The following NUDT6 variants were observed in gnomAD, a reference collection of about 807,000 sequenced individuals.
NUDT6 encodes the protein nudix hydrolase 6, also known as FAD diphosphatase NUDT6.
Under a neutral mutation model 36.8 loss-of-function variants are expected in NUDT6, and 24 were observed. The observed-to-expected ratio is 0.65, with a 90% CI of 0.47 to 0.92. The LOEUF is 0.92. NUDT6 is among the 40% of genes least tolerant of loss of function. The probability of loss-of-function intolerance (pLI) is 0.00; values close to 1 mark genes in which losing one functional copy is unlikely to be tolerated. For missense variants in NUDT6, 388 were observed against 392.8 expected, an observed-to-expected ratio of 0.99 and a Z score of 0.10; for synonymous variants, 163 against 157.0, an observed-to-expected ratio of 1.04 and a Z score of -0.29.
In NUDT6 at chr4:122,915,481, A is replaced by AC. The variant is rs1560773823; in HGVS notation, c.442+2019_442+2020insG. On this transcript the variant is annotated intron_variant, in intron 2 of 4. Transcript: ENST00000304430. Reference sequence around the variant, plus strand: ...TGAGACCCTGCCTCAAAAAAAAAAAAAAAAAAAAAAAAAAAAACAACTCTG... The same window carrying AC: ...TGAGACCCTGCCTCAAAAAAAAAAAACAAAAAAAAAAAAAAAAACAACTCTG... 4.2e-4 allele frequency among the ~76,000 whole-genome samples: 42 copies of AC among 101,048 alleles called. 1 individual carries two copies. Among genetic ancestry groups the AC allele is most frequent in the Admixed American group, 2.0e-3 (18 of 9,206 alleles). The allele number at this position is 101,048 out of a possible 152,430, so 66.3% of individuals were successfully genotyped here.
chr4:122,917,370 G>A, intron 2 of NUDT6, 131 bp downstream of exon 2: 1 of 810,980 alleles, frequency 1.2e-6, no homozygotes, highest in Non-Finnish European at 2.0e-6. Flanking sequence ...TGCAGATAGG[G>A]TGGAACCACC....
intron 1 of NUDT6, chr4:122,917,966 C>T: frequency 2.3e-6 from 1 of 434,780 alleles, no homozygotes; most frequent in Non-Finnish European, 4.2e-6. Context: ...AAAGACAATG[C>T]TTGGCACGTA....
intron 1 of NUDT6, chr4:122,921,474 T>C (rs143572495): frequency 2.0e-5 from 3 of 151,904 alleles, no homozygotes; most frequent in African/African-American, 7.3e-5. Flanking sequence ...TGCGCGCCTG[T>C]AGTCCTAGCT....
At chr4:122,915,048 A>C (rs1727801412) in intron 2 of NUDT6, among the ~76,000 whole-genome samples, 1 of 152,192 alleles carries the variant, frequency 6.6e-6, no homozygotes, top group African/African-American at 2.4e-5. Flanking sequence ...AGAAGGAGAC[A>C]CTTGAGCAGA....
At chr4:122,902,905 C>T (rs1024153207) in intron 3 of NUDT6, among the ~76,000 whole-genome samples, 17 of 152,014 alleles carry the variant, frequency 1.1e-4, no homozygotes, top group African/African-American at 4.1e-4. Context: ...ACATTAATGC[C>T]TGGGGAGAGT....
chr4:122,905,043 C>T (rs1301197948), intron 3 of NUDT6, among the ~76,000 whole-genome samples: 1 of 152,146 alleles, frequency 6.6e-6, no homozygotes. Context: ...TGGAAGGGGA[C>T]CCCAGCGGGT....
intron 2 of NUDT6, among the ~76,000 whole-genome samples, chr4:122,915,258 A>G (rs1369219847): frequency 2.0e-5 from 3 of 152,146 alleles, no homozygotes; most frequent in South Asian, 4.2e-4. Context: ...CTTTCCACCT[A>G]AAAACTCTGC....
At chr4:122,911,812 C>A (rs1024201163) in intron 3 of NUDT6, among the ~76,000 whole-genome samples, 3 of 152,224 alleles carry the variant, frequency 2.0e-5, no homozygotes, top group Admixed American at 1.3e-4. Context: ...CACGGTACTT[C>A]TCTGGGAAAT....
At chr4:122,921,595 C>CAAAAAA (rs1307519948) in intron 1 of NUDT6, 2 of 35,106 alleles carry the variant, frequency 5.7e-5, no homozygotes, top group African/African-American at 2.1e-4. Context: ...TACCCTCTCT[C>CAAAAAA]AAAAAAAAAA....
At chr4:122,899,642 T>C (rs1215487087) in intron 3 of NUDT6, among the ~76,000 whole-genome samples, 4 of 152,160 alleles carry the variant, frequency 2.6e-5, no homozygotes, top group Admixed American at 2.0e-4. Flanking sequence ...ATTAGCTGTG[T>C]TTGGCAATAT....
chr4:122,908,107 CA>C (rs56981643), intron 3 of NUDT6, among the ~76,000 whole-genome samples: 24,367 of 151,982 alleles, frequency 0.16, 2,381 homozygotes, highest in African/African-American at 0.27. Flanking sequence ...AAGGGGACCC[CA>C]AAAAAATCTT....
intron 3 of NUDT6, 191 bp from the exon 4 acceptor site, chr4:122,897,869 T>C: frequency 1.7e-6 from 1 of 575,624 alleles, no homozygotes; most frequent in Non-Finnish European, 3.1e-6. Flanking sequence ...TGGTAACTGA[T>C]GAAATCTTTT....
At chr4:122,898,401 C>T (rs45619533) in intron 3 of NUDT6, among the ~76,000 whole-genome samples, 3,301 of 152,146 alleles carry the variant, frequency 0.022, 60 homozygotes, top group Non-Finnish European at 0.036. Context: ...GATTACTTTT[C>T]TTCCTGTTAG....
intron 3 of NUDT6, among the ~76,000 whole-genome samples, chr4:122,907,189 G>A (rs1020256231): frequency 2.6e-5 from 4 of 152,140 alleles, no homozygotes; most frequent in African/African-American, 9.7e-5. Flanking sequence ...GGAGGGCAGT[G>A]GCATGATCTC....
chr4:122,894,877 A>G (rs1727303368), intron 4 of NUDT6: 1 of 152,180 alleles, frequency 6.6e-6, no homozygotes, highest in Non-Finnish European at 1.5e-5. Flanking sequence ...TTTGAAAATA[A>G]ATTATGGGGA....
chr4:122,913,491 CT>C (rs764623090), intron 2 of NUDT6, among the ~76,000 whole-genome samples: 7 of 152,158 alleles, frequency 4.6e-5, no homozygotes, highest in Non-Finnish European at 1.0e-4. Context: ...AACAGATGTG[CT>C]TACAATATTT....
chr4:122,902,675 A>C (rs1727547697), intron 3 of NUDT6, among the ~76,000 whole-genome samples: 3 of 152,220 alleles, frequency 2.0e-5, no homozygotes, highest in Non-Finnish European at 2.9e-5. Flanking sequence ...TATTCAGTGA[A>C]TGAATTAATG....
At chr4:122,901,584 T>A (rs571812356) in intron 3 of NUDT6, among the ~76,000 whole-genome samples, 1 of 152,328 alleles carries the variant, frequency 6.6e-6, no homozygotes, top group East Asian at 1.9e-4. Context: ...TTTTGGCTAC[T>A]AAGAAAGGGT....
chr4:122,904,070 T>G (rs1201957281), intron 3 of NUDT6, among the ~76,000 whole-genome samples: 2 of 152,176 alleles, frequency 1.3e-5, no homozygotes, highest in African/African-American at 4.8e-5. Flanking sequence ...ATTTGTGAGC[T>G]TCCCTTATCT....
Sources: gnomAD v4.1 joint callset for allele counts (sites outside exome capture counted in the v4.1 genomes callset) on GRCh38, gnomAD v4.1.1 for gene constraint, MANE v1.5 for transcripts, NCBI Gene and HGNC (gene_info 2026-07-23, HGNC 2026-07-21) for gene names.